TOP1: variants seen among roughly 807,000 people sequenced by gnomAD.
TOP1 encodes the protein DNA topoisomerase I.
TOP1 carries 10 observed loss-of-function variants against 111.1 expected under a neutral mutation model. The observed-to-expected ratio is 0.09, with a 90% confidence interval of 0.06 to 0.15. TOP1 has a LOEUF of 0.15. TOP1 is among the 10% of genes least tolerant of loss of function. The pLI is 1.00. For synonymous variants in TOP1, 271 were observed against 302.9 expected, an observed-to-expected ratio of 0.89 and a Z score of 1.10; for missense variants, 474 against 926.7, an observed-to-expected ratio of 0.51 and a Z score of 6.34.
chr20:41,112,774 CT>C lies in TOP1; in HGVS notation c.1309-5del. ...AAGTAATCTACATTTGGGTTTGGGT[CT>C]TTACAGGGTGAGAAGGACTGGCAGA... On this transcript the variant is annotated splice_polypyrimidine_tract_variant and splice_region_variant and intron_variant, in intron 13 of 20. Transcript: ENST00000361337. This position sits in a 1 kb window ranked among gnomAD's most constrained non-coding sequence, Gnocchi z 5.8. The C allele has an allele frequency of 1.2e-6, 2 of 1,613,946 alleles. No individual in the cohort carries two copies. Among genetic ancestry groups the C allele is most frequent in the Non-Finnish European group, 1.7e-6 (2 of 1,179,886 alleles).
In TOP1 at chr20:41,102,024, C is replaced by G. The variant is rs2034071150; in HGVS notation, c.1308+671C>G. Among the ~76,000 whole-genome samples, 1 of 152,202 alleles carries G rather than the reference C, an allele frequency of 6.6e-6. No homozygotes were observed. Reference sequence around the variant, plus strand: ...CTTTGGAGAGTCCCACGAACTTCTTCCCTCCAACATACTATGAAATATAAA... The same window carrying G: ...CTTTGGAGAGTCCCACGAACTTCTTGCCTCCAACATACTATGAAATATAAA... On this transcript the variant is annotated intron_variant, in intron 13 of 20. Coordinates refer to ENST00000361337, the MANE Select transcript of TOP1 (RefSeq NM_003286.4). The surrounding 1 kb of genome is among the most constrained non-coding windows in gnomAD (Gnocchi z 4.0).
intron 9 of TOP1, among the ~76,000 whole-genome samples, chr20:41,096,530 T>C (rs188510049): frequency 6.6e-6 from 1 of 152,294 alleles, no homozygotes; most frequent in African/African-American, 2.4e-5. Flanking sequence ...TTGTTAAAAA[T>C]GCAATTTCTG....
rs1201814383 is a variant in TOP1 at position 41,102,375 on chromosome 20, C to T, written c.1308+1022C>T. Among the ~76,000 whole-genome samples the T allele has an allele frequency of 1.3e-5, 2 of 152,092 alleles. No individual in the cohort carries two copies. Among genetic ancestry groups the T allele is most frequent in the Admixed American group, 6.5e-5 (1 of 15,274 alleles). Reference sequence around the variant, plus strand: ...CTGTAATCCCAGCACTTTGGGAGGCCGAGATGGGCGGATCACCTGAGGTCA... The same window carrying T: ...CTGTAATCCCAGCACTTTGGGAGGCTGAGATGGGCGGATCACCTGAGGTCA... On this transcript the variant is annotated intron_variant, in intron 13 of 20. Transcript: ENST00000361337. The surrounding 1 kb of genome is among the most constrained non-coding windows in gnomAD (Gnocchi z 4.0).
Position 41,122,283 on chromosome 20 carries a change from G to A in TOP1, c.2195+128G>A. ...CTTTAGTCCTCTGGGGAAACTTCTG[G>A]CTTCAGCTGTGTACAAGTTACTCTG... On this transcript the variant is annotated intron_variant, in intron 20 of 20. Transcript: ENST00000361337. This position sits in a 1 kb window ranked among gnomAD's most constrained non-coding sequence, Gnocchi z 5.4. The A allele has an allele frequency of 1.0e-6, 1 of 970,838 alleles. No homozygotes were observed. The highest frequency in any genetic ancestry group is 2.4e-5 in the East Asian group (1 of 41,370). 60.1% of individuals were successfully genotyped at this position (970,838 alleles called of 1,614,324 possible). A position where few individuals can be genotyped will look rare whatever the true frequency, so the allele number is the denominator to read the frequency against.
chr20:41,061,442 A>G lies in TOP1; in HGVS notation c.107A>G (p.Lys36Arg), dbSNP rs1246537609. The G allele has an allele frequency of 2.5e-6, 4 of 1,613,494 alleles. No homozygotes were observed. The highest frequency in any genetic ancestry group is 1.7e-5 in the Admixed American group (1 of 59,898). The change falls in exon 3 of 21, where the codon AAA (lysine) becomes AGA (arginine). Residue 36 changes from lysine to arginine, a missense_variant. Physicochemically the swap from Lys to Arg is conservative, Grantham distance 26 (BLOSUM62 2). Coordinates refer to ENST00000361337, the MANE Select transcript of TOP1 (RefSeq NM_003286.4). The surrounding 1 kb of genome is among the most constrained non-coding windows in gnomAD (Gnocchi z 4.6). ...DKHKDREHRH[K>R]EHKKEKDREK... The stretch of plus-strand genomic sequence containing the variant: ...CACAAAGATCGAGAACACCGGCACA[A>G]AGAACACAAGAAGGAGAAGGACCGG...
intron 8 of TOP1, among the ~76,000 whole-genome samples, chr20:41,087,095 G>A (rs370498223): frequency 3.9e-5 from 6 of 152,074 alleles, no homozygotes; most frequent in African/African-American, 1.2e-4. Context: ...TTCTTCCCTC[G>A]TAAGTCCGCA....
rs1057061054 is a variant in TOP1, at chr20:41,028,939, A to G, written c.-129A>G. 2.7e-6 allele frequency: 2 copies of G among 741,092 alleles called. No individual in the cohort carries two copies. The highest frequency in any genetic ancestry group is 4.4e-6 in the Non-Finnish European group (2 of 453,182). 45.9% of individuals were successfully genotyped at this position (741,092 alleles called of 1,614,324 possible). ...CAGCCGTTTCTGGAGTCTCGGGCCC[A>G]CAGTCACCGCCGCTTACCTGCGCCT... On this transcript the variant is annotated 5_prime_UTR_variant, in exon 1 of 21. Transcript: ENST00000361337.
In TOP1 at chr20:41,110,469, T is replaced by TC. The variant is rs2034217845; in HGVS notation, c.1309-2309dup. ...GTAAGAATACTGGCAAATGTCCTCT[T>TC]CCCCATTACAAACGTCTGAGAAAGT... On this transcript the variant is annotated intron_variant, in intron 13 of 20. Coordinates refer to ENST00000361337, the MANE Select transcript of TOP1 (RefSeq NM_003286.4). This position sits in a 1 kb window ranked among gnomAD's most constrained non-coding sequence, Gnocchi z 4.2. 6.6e-6 allele frequency among the ~76,000 whole-genome samples: 1 copy of TC among 152,178 alleles called. No homozygotes were observed. Among genetic ancestry groups the TC allele is most frequent in the Admixed American group, 6.5e-5 (1 of 15,276 alleles).
At position 41,071,922 on chromosome 20, in the gene TOP1, A is replaced by G. The variant is rs546850995; in HGVS notation, c.156-4249A>G. On this transcript the variant is annotated intron_variant, in intron 3 of 20. Transcript: ENST00000361337. This position sits in a 1 kb window ranked among gnomAD's most constrained non-coding sequence, Gnocchi z 4.3. ...TTTCATCCATAAGTGTGACCATTGC[A>G]GAAGTTCTAGGACTGCTACTGTCTG... Among the ~76,000 whole-genome samples the G allele has an allele frequency of 4.6e-4, 70 of 152,322 alleles. No homozygotes were observed. The highest frequency in any genetic ancestry group is 4.5e-3 in the Admixed American group (69 of 15,308).
At position 41,029,554 on chromosome 20, in the gene TOP1, G is replaced by T; in HGVS notation, c.58+99G>T. On this transcript the variant is annotated intron_variant, in intron 2 of 20. Coordinates refer to ENST00000361337, the MANE Select transcript of TOP1 (RefSeq NM_003286.4). The surrounding 1 kb of genome is among the most constrained non-coding windows in gnomAD (Gnocchi z 6.1). ...GGCAGAGGACAGACATGGCGTCCCAGAGACTAAGTCCCGGCTCCTCGCTCA... is the reference window on the plus strand; with the variant it reads ...GGCAGAGGACAGACATGGCGTCCCATAGACTAAGTCCCGGCTCCTCGCTCA... The T allele has an allele frequency of 1.0e-6, 1 of 956,440 alleles. No individual in the cohort carries two copies. The allele number at this position is 956,440 out of a possible 1,614,324, so 59.2% of individuals were successfully genotyped here. A position where few individuals can be genotyped will look rare whatever the true frequency, so the allele number is the denominator to read the frequency against.
chr20:41,072,978 C>T, intron 3 of TOP1: 2 of 985,352 alleles, frequency 2.0e-6, no homozygotes, highest in Non-Finnish European at 1.2e-6. Context: ...TAATTGTGAC[C>T]TACAAAGGGG....
At chr20:41,105,389 C>T (rs1388592077) in intron 13 of TOP1, among the ~76,000 whole-genome samples, 1 of 152,114 alleles carries the variant, frequency 6.6e-6, no homozygotes. Flanking sequence ...TATTCCTCTC[C>T]AGCTTTGATT....
chr20:41,106,383 T>A lies in TOP1; in HGVS notation c.1308+5030T>A, dbSNP rs181900047. Among the ~76,000 whole-genome samples, 1 of 152,362 alleles carries A rather than the reference T, an allele frequency of 6.6e-6. No individual in the cohort carries two copies. The highest frequency in any genetic ancestry group is 6.5e-5 in the Admixed American group (1 of 15,304). On this transcript the variant is annotated intron_variant, in intron 13 of 20. Transcript: ENST00000361337. The surrounding 1 kb of genome is among the most constrained non-coding windows in gnomAD (Gnocchi z 4.3). ...TCATATTAACTTTCAGATAAACTTG[T>A]CAAATTCTAATGAAAACTGTTGATA...
At position 41,119,424 on chromosome 20, in the gene TOP1, G is replaced by T. The variant is rs1347911301; in HGVS notation, c.1950+1128G>T. On this transcript the variant is annotated intron_variant, in intron 18 of 20. Transcript: ENST00000361337. ...GAGCTGAGTAATTCAAGACCAACCT[G>T]GGCAACATAGTGAGACCCTGTCTGT... 2.0e-5 allele frequency among the ~76,000 whole-genome samples: 3 copies of T among 152,048 alleles called. No homozygotes were observed. In the East Asian group the frequency reaches 5.8e-4, roughly 29 times the overall value.
In TOP1 at chr20:41,100,297, T is replaced by C. The variant is rs898381762; in HGVS notation, c.1163+54T>C. The C allele has an allele frequency of 6.1e-6, 9 of 1,471,796 alleles. No homozygotes were observed. The African/African-American group carries it at 1.3e-4, about 21-fold the overall frequency. The allele number at this position is 1,471,796 out of a possible 1,614,324, so 91.2% of individuals were successfully genotyped here. ...AAAAGGGGGTGGAGGGCGTCCTTTA[T>C]TGTACTTGGGAATATTTCCCAGGTT... On this transcript the variant is annotated intron_variant, in intron 12 of 20. Transcript: ENST00000361337. The surrounding 1 kb of genome is among the most constrained non-coding windows in gnomAD (Gnocchi z 4.4).
intron 3 of TOP1, among the ~76,000 whole-genome samples, chr20:41,070,975 A>T (rs1161909913): frequency 6.6e-6 from 1 of 152,206 alleles, no homozygotes; most frequent in Non-Finnish European, 1.5e-5. Context: ...TTTGTTACCG[A>T]TATCAAATGT....
Position 41,112,039 on chromosome 20 carries a change from C to A in TOP1, c.1309-743C>A, listed in dbSNP as rs903479018. 6.6e-6 allele frequency among the ~76,000 whole-genome samples: 1 copy of A among 152,172 alleles called. No individual in the cohort carries two copies. Among genetic ancestry groups the A allele is most frequent in the Non-Finnish European group, 1.5e-5 (1 of 68,034 alleles). On this transcript the variant is annotated intron_variant, in intron 13 of 20. Coordinates refer to ENST00000361337, the MANE Select transcript of TOP1 (RefSeq NM_003286.4). This position sits in a 1 kb window ranked among gnomAD's most constrained non-coding sequence, Gnocchi z 5.8. The stretch of plus-strand genomic sequence containing the variant: ...ACTTTTAACCCTTCCACCAAAAGCT[C>A]TTATTTTTTTAAAGGCTTCCCAGAA...
intron 2 of TOP1, among the ~76,000 whole-genome samples, chr20:41,042,319 C>CT (rs1434537864): frequency 5.3e-5 from 8 of 152,222 alleles, no homozygotes; most frequent in Non-Finnish European, 8.8e-5. Context: ...TGAGCATTTA[C>CT]CAAATAGCAG....
intron 8 of TOP1, among the ~76,000 whole-genome samples, chr20:41,090,691 C>CG (rs35499835): frequency 0.021 from 3,139 of 151,162 alleles, 93 homozygotes; most frequent in African/African-American, 0.069. Context: ...TTAGTAGAGA[C>CG]GGGGGGGTCT....
Sources: gnomAD v4.1 joint callset for allele counts (sites outside exome capture counted in the v4.1 genomes callset) on GRCh38, gnomAD v4.1.1 for gene constraint, Gnocchi (gnomAD v3.1) non-coding constraint, MANE v1.5 for transcripts, NCBI Gene and HGNC (gene_info 2026-07-23, HGNC 2026-07-21) for gene names.